FSTL4: variants seen among roughly 807,000 people sequenced by gnomAD.
The protein encoded by FSTL4 is follistatin-related protein 4.
FSTL4 carries 28 observed loss-of-function variants against 78.2 expected under a neutral mutation model. That is an observed-to-expected ratio of 0.36 (90% CI 0.27 to 0.49). The LOEUF is 0.49. Among genes scored for constraint, FSTL4 ranks in the 20% least tolerant of loss-of-function variants. The pLI, the probability that FSTL4 is intolerant of heterozygous loss-of-function variation, is 0.98. For synonymous variants in FSTL4, 422 were observed against 440.5 expected, an observed-to-expected ratio of 0.96 and a Z score of 0.53; for missense variants, 922 against 1,084.9, an observed-to-expected ratio of 0.85 and a Z score of 2.11.
chr5:133,308,766 C>G (rs1017067863), intron 6 of FSTL4, among the ~76,000 whole-genome samples: 9 of 152,168 alleles, frequency 5.9e-5, no homozygotes, highest in Non-Finnish European at 1.2e-4. Context: ...TTCCTTTCTG[C>G]TTGCCTGGAG....
chr5:133,396,404 G>A (rs1212048738), intron 4 of FSTL4, among the ~76,000 whole-genome samples: 1 of 152,194 alleles, frequency 6.6e-6, no homozygotes, highest in Non-Finnish European at 1.5e-5. Context: ...GTGCCACATT[G>A]TCCCATCAGC....
chr5:133,438,154 G>A (rs536554548), intron 3 of FSTL4, among the ~76,000 whole-genome samples: 1 of 152,318 alleles, frequency 6.6e-6, no homozygotes, highest in East Asian at 1.9e-4. Flanking sequence ...CAGGAAGATG[G>A]TGTATATCTG....
intron 2 of FSTL4, among the ~76,000 whole-genome samples, chr5:133,571,219 T>G (rs549866240): frequency 2.0e-5 from 3 of 152,324 alleles, no homozygotes; most frequent in Non-Finnish European, 4.4e-5. Context: ...GCAGCAGACT[T>G]ACTGCTAAGA....
chr5:133,339,992 C>T (rs551721650), intron 4 of FSTL4, among the ~76,000 whole-genome samples: 1 of 152,318 alleles, frequency 6.6e-6, no homozygotes, highest in African/African-American at 2.4e-5. Flanking sequence ...CCAGTTCTCT[C>T]TTTTGCTCTT....
rs577144850 is a variant in FSTL4, at chr5:133,360,196, C to T, written c.409+40542G>A. Among the ~76,000 whole-genome samples the T allele has an allele frequency of 3.4e-4, 51 of 152,224 alleles. 1 individual carries two copies. Among genetic ancestry groups the T allele is most frequent in the Non-Finnish European group, 5.0e-4 (34 of 68,044 alleles). ...TACACTCCAAGTACAATCTTCTCAA[C>T]GTTTACTCAAAATAGGAAAGAGAAA... is the stretch of plus-strand genomic sequence containing the variant. On this transcript the variant is annotated intron_variant, in intron 4 of 15. Transcript: ENST00000265342.
the FSTL4 span, among the ~76,000 whole-genome samples, chr5:133,718,215 C>T: frequency 6.6e-6 from 1 of 152,068 alleles, no homozygotes; most frequent in Admixed American, 6.5e-5. Flanking sequence ...GCCTCAGCCT[C>T]CCGAGTGGTG....
the FSTL4 span, among the ~76,000 whole-genome samples, chr5:133,829,621 G>C: frequency 1.3e-5 from 2 of 152,230 alleles, no homozygotes; most frequent in African/African-American, 2.4e-5. Context: ...GGAGAGAAAG[G>C]GTTCATGGTT....
chr5:133,664,373 A>G, the FSTL4 span, among the ~76,000 whole-genome samples: 18 of 152,100 alleles, frequency 1.2e-4, no homozygotes, highest in African/African-American at 4.1e-4. Context: ...AGTGGTTTAT[A>G]GTGTCCCAAA....
chr5:133,733,458 C>T, the FSTL4 span, among the ~76,000 whole-genome samples: 2 of 152,232 alleles, frequency 1.3e-5, no homozygotes, highest in African/African-American at 4.8e-5. Flanking sequence ...AAATACTGAA[C>T]CCAAATCAAG....
chr5:133,256,540 G>A (rs1323241100), intron 6 of FSTL4: 5 of 152,302 alleles, frequency 3.3e-5, no homozygotes, highest in Admixed American at 3.3e-4. Flanking sequence ...AAGGCGGGTG[G>A]GAGGGATGGT....
At chr5:133,227,002 G>A (rs1223902369) in intron 8 of FSTL4, among the ~76,000 whole-genome samples, 1 of 152,172 alleles carries the variant, frequency 6.6e-6, no homozygotes, top group Non-Finnish European at 1.5e-5. Context: ...CTCCTCAGGG[G>A]CTGCTCATAA....
At chr5:133,229,585 T>C (rs1303610772) in intron 8 of FSTL4, among the ~76,000 whole-genome samples, 1 of 151,992 alleles carries the variant, frequency 6.6e-6, no homozygotes, top group Non-Finnish European at 1.5e-5. Flanking sequence ...AGAAAAAATA[T>C]CCAAGAACAG....
chr5:133,753,885 C>A, the FSTL4 span, among the ~76,000 whole-genome samples: 2 of 152,232 alleles, frequency 1.3e-5, no homozygotes, highest in East Asian at 3.9e-4. Context: ...TGCAGATAAG[C>A]CTAGGTTCAA....
intron 6 of FSTL4, among the ~76,000 whole-genome samples, chr5:133,267,697 C>A (rs1752676069): frequency 6.6e-6 from 1 of 152,176 alleles, no homozygotes; most frequent in Non-Finnish European, 1.5e-5. Context: ...TGGGAAGGAA[C>A]TGCCTGCCAT....
chr5:133,421,878 G>C (rs922242217), intron 3 of FSTL4, among the ~76,000 whole-genome samples: 2 of 152,210 alleles, frequency 1.3e-5, no homozygotes, highest in African/African-American at 4.8e-5. Flanking sequence ...CCTTTATGGA[G>C]CTTATATTTG....
chr5:133,802,597 A>C, the FSTL4 span, among the ~76,000 whole-genome samples: 1 of 152,042 alleles, frequency 6.6e-6, no homozygotes, highest in Non-Finnish European at 1.5e-5. Context: ...ATGTAAGATG[A>C]TGCTGACCAA....
intron 4 of FSTL4, among the ~76,000 whole-genome samples, chr5:133,332,012 G>A (rs1754360770): frequency 6.6e-6 from 1 of 152,240 alleles, no homozygotes; most frequent in African/African-American, 2.4e-5. Flanking sequence ...CTGAGCTGAT[G>A]CGCAGGCTGT....
intron 5 of FSTL4, among the ~76,000 whole-genome samples, chr5:133,313,018 AG>A (rs1387195267): frequency 1.3e-5 from 2 of 152,134 alleles, no homozygotes; most frequent in Non-Finnish European, 2.9e-5. Flanking sequence ...TCTAGACTAG[AG>A]CTCAGGTGTG....
chr5:133,786,595 C>T, the FSTL4 span, among the ~76,000 whole-genome samples: 4 of 152,182 alleles, frequency 2.6e-5, no homozygotes, highest in Admixed American at 2.0e-4. Flanking sequence ...AGTCTAGCCT[C>T]GGCTTGGGAA....
Sources: allele counts gnomAD v4.1 joint callset (sites outside exome capture counted in the v4.1 genomes callset), GRCh38; gene constraint gnomAD v4.1.1; transcripts MANE v1.5; gene names NCBI Gene and HGNC (gene_info 2026-07-23, HGNC 2026-07-21).